The following ACOT12 variants were observed in gnomAD, a reference collection of about 807,000 sequenced individuals.
ACOT12 encodes acetyl-coenzyme A thioesterase.
A neutral mutation model predicts 67.7 loss-of-function variants in ACOT12; 51 were observed. The observed-to-expected ratio is 0.75, with a 90% CI of 0.60 to 0.95. The LOEUF is 0.95. Ranked by LOEUF, ACOT12 falls within the 40% of genes least tolerant of loss-of-function variation. The pLI is 0.00. For missense variants in ACOT12, 734 were observed against 708.1 expected (o/e 1.04, Z -0.41); for synonymous variants, 251 against 244.6 (o/e 1.03, Z -0.24).
At chr5:81,330,785 T>C in intron 14 of ACOT12, 29 bp downstream of exon 14, 1 of 1,605,474 alleles carries the variant, frequency 6.2e-7, no homozygotes, top group Non-Finnish European at 8.5e-7. Flanking sequence ...GCAGAGCCAA[T>C]TAATCTGCAG....
rs529301882 is a variant in ACOT12 at position 81,362,163 on chromosome 5, C to CT, written c.360+1624dup. 2.7e-3 allele frequency among the ~76,000 whole-genome samples: 349 copies of CT among 131,618 alleles called. 2 individuals are homozygous for CT. Among genetic ancestry groups the CT allele is most frequent in the East Asian group, 0.015 (67 of 4,564 alleles). 86.3% of individuals were successfully genotyped at this position (131,618 alleles called of 152,430 possible). On this transcript the variant is annotated intron_variant, in intron 4 of 14. Transcript: ENST00000307624. ...TGGACTGAAGTGTGACTATTATATT[C>CT]TTTTTTTTTTTTTTTTTTTGAGACG...
chr5:81,346,802 G>T (rs1284201888), intron 6 of ACOT12, among the ~76,000 whole-genome samples: 1 of 152,072 alleles, frequency 6.6e-6, no homozygotes. Context: ...CATAACTATA[G>T]ACATATTAAT....
chr5:81,338,294 G>A (rs532322232), intron 11 of ACOT12, among the ~76,000 whole-genome samples: 19 of 152,116 alleles, frequency 1.2e-4, no homozygotes, highest in Non-Finnish European at 2.1e-4. Context: ...ATCTCATGTC[G>A]AATTGTAATC....
intron 5 of ACOT12, among the ~76,000 whole-genome samples, chr5:81,350,952 C>A (rs1283011148): frequency 6.6e-6 from 1 of 152,188 alleles, no homozygotes; most frequent in Non-Finnish European, 1.5e-5. Flanking sequence ...CTGCTGGGTC[C>A]TCCAGGACAA....
chr5:81,372,224 C>A (rs1760276482), intron 2 of ACOT12, among the ~76,000 whole-genome samples: 1 of 152,168 alleles, frequency 6.6e-6, no homozygotes, highest in African/African-American at 2.4e-5. Context: ...GGCAAGCAAG[C>A]AAACTGATCA....
At chr5:81,352,154 G>T (rs1160525656) in intron 5 of ACOT12, among the ~76,000 whole-genome samples, 1 of 152,172 alleles carries the variant, frequency 6.6e-6, no homozygotes, top group Non-Finnish European at 1.5e-5. Context: ...TACACTGTTG[G>T]TGGGAATGTA....
intron 12 of ACOT12, among the ~76,000 whole-genome samples, chr5:81,332,944 C>G (rs1758877032): frequency 6.6e-6 from 1 of 151,796 alleles, no homozygotes; most frequent in East Asian, 1.9e-4. Flanking sequence ...TGGTGCATGC[C>G]TGTACTCCCA....
intron 3 of ACOT12, among the ~76,000 whole-genome samples, chr5:81,368,383 T>C (rs1760146550): frequency 6.6e-6 from 1 of 152,134 alleles, no homozygotes; most frequent in Non-Finnish European, 1.5e-5. Flanking sequence ...TCATTGACTA[T>C]AAGCAACACA....
At chr5:81,346,040 A>G (rs780760817) in intron 6 of ACOT12, 36 bp from the exon 7 acceptor site, 8 of 1,606,622 alleles carry the variant, frequency 5.0e-6, no homozygotes, top group Non-Finnish European at 6.8e-6. Flanking sequence ...GAAGAAAGCG[A>G]TCACACATTC....
At chr5:81,373,576 C>T (rs1051065524) in intron 2 of ACOT12, among the ~76,000 whole-genome samples, 6 of 152,248 alleles carry the variant, frequency 3.9e-5, no homozygotes, top group African/African-American at 7.2e-5. Flanking sequence ...TCTGGCTTGG[C>T]GGGTCCCACG....
the ACOT12 span, among the ~76,000 whole-genome samples, chr5:81,319,312 G>A: frequency 5.3e-5 from 8 of 152,194 alleles, no homozygotes; most frequent in Non-Finnish European, 1.0e-4. Context: ...TATAATTCAC[G>A]TATCATATAA....
chr5:81,310,826 A>G, the ACOT12 span, among the ~76,000 whole-genome samples: 1 of 152,218 alleles, frequency 6.6e-6, no homozygotes, highest in Non-Finnish European at 1.5e-5. Flanking sequence ...AGAATCTGAC[A>G]TGCTATTCAG....
In ACOT12 at chr5:81,387,009, TTTTTTTTTTC is replaced by T. The variant is rs568009214; in HGVS notation, c.128-1193_128-1184del. Among the ~76,000 whole-genome samples, 346 of 107,788 alleles carry T rather than the reference TTTTTTTTTTC, an allele frequency of 3.2e-3. 1 individual carries two copies. Among genetic ancestry groups the T allele is most frequent in the African/African-American group, 8.9e-3 (330 of 36,956 alleles). 70.7% of individuals were successfully genotyped at this position (107,788 alleles called of 152,430 possible). ...GGATGAGTTCCATTTTTTTTTTTTTTTTTTTTTTTCTTTTTTCAGATAGAGTCTCACTGTC... is the reference window on the plus strand; with the variant it reads ...GGATGAGTTCCATTTTTTTTTTTTTTTTTTTTCAGATAGAGTCTCACTGTC... On this transcript the variant is annotated intron_variant, in intron 1 of 14. Transcript: ENST00000307624.
chr5:81,393,328 C>T (rs1760912277), intron 1 of ACOT12, among the ~76,000 whole-genome samples: 1 of 152,144 alleles, frequency 6.6e-6, no homozygotes, highest in Non-Finnish European at 1.5e-5. Flanking sequence ...CAATGTAGTC[C>T]ATTTCTTTTT....
intron 1 of ACOT12, among the ~76,000 whole-genome samples, chr5:81,387,634 G>T (rs1469796435): frequency 2.7e-5 from 4 of 150,014 alleles, no homozygotes; most frequent in Non-Finnish European, 5.9e-5. Flanking sequence ...CTGGGCTCAA[G>T]TGATCTTGCC....
Position 81,394,134 on chromosome 5 carries a change from C to T in ACOT12, c.-20G>A, listed in dbSNP as rs13178695. On this transcript the variant is annotated 5_prime_UTR_variant, in exon 1 of 15. Coordinates refer to ENST00000307624, the MANE Select transcript of ACOT12 (RefSeq NM_130767.3). ...CTCCATGGCCAGGGCGAGAGCGCTACGCCTGCGGCCCCCGACACCCCACCA... is the reference window on the plus strand; with the variant it reads ...CTCCATGGCCAGGGCGAGAGCGCTATGCCTGCGGCCCCCGACACCCCACCA... The T allele has an allele frequency of 7.1e-7, 1 of 1,405,946 alleles. No homozygotes were observed. Among genetic ancestry groups the T allele is most frequent in the Non-Finnish European group, 9.2e-7 (1 of 1,081,624 alleles). 87.1% of individuals were successfully genotyped at this position (1,405,946 alleles called of 1,614,324 possible).
intron 2 of ACOT12, among the ~76,000 whole-genome samples, chr5:81,382,822 G>T (rs972215353): frequency 1.1e-4 from 16 of 151,120 alleles, no homozygotes; most frequent in African/African-American, 3.4e-4. Flanking sequence ...AAAAGAAGAA[G>T]AATAACATGG....
intron 1 of ACOT12, among the ~76,000 whole-genome samples, chr5:81,391,023 G>A (rs1384104460): frequency 1.3e-5 from 2 of 151,994 alleles, no homozygotes; most frequent in Admixed American, 1.3e-4. Context: ...TTTTGTTTTT[G>A]GTTTTGTTTT....
Position 81,394,041 on chromosome 5 carries a change from T to G in ACOT12, c.74A>C (p.Glu25Ala). 6.8e-7 allele frequency: 1 copy of G among 1,471,120 alleles called. No homozygotes were observed. Among genetic ancestry groups the G allele is most frequent in the Non-Finnish European group, 9.0e-7 (1 of 1,117,074 alleles). The allele number at this position is 1,471,120 out of a possible 1,614,324, so 91.1% of individuals were successfully genotyped here. ...CTTGAGCAGCTGCCCCGCGCTCAGC[T>G]CGCCGCGCGCAGTGGCGTGCGCCGG... The part of the protein sequence containing the change: ...IQPAHATARG[E>A]LSAGQLLKWI... The change falls in exon 1 of 15, where the codon GAG becomes GCG. Residue 25 changes from glutamate (E) to alanine (A), a missense_variant. Coordinates refer to ENST00000307624, the MANE Select transcript of ACOT12 (RefSeq NM_130767.3).
Sources: allele counts gnomAD v4.1 joint callset (sites outside exome capture counted in the v4.1 genomes callset), GRCh38; gene constraint gnomAD v4.1.1; transcripts MANE v1.5; gene names NCBI Gene and HGNC (gene_info 2026-07-23, HGNC 2026-07-21).